The following PGAP2 variants were observed in gnomAD, a reference collection of about 807,000 sequenced individuals.
The protein encoded by PGAP2 is post-GPI attachment to proteins 2.
A neutral mutation model predicts 33.2 loss-of-function variants in PGAP2; 21 were observed. The ratio of observed to expected loss-of-function variants is 0.63; its 90% CI spans 0.45 to 0.91. The LOEUF is 0.91. Ranked by LOEUF, PGAP2 falls within the 40% of genes least tolerant of loss-of-function variation. PGAP2 has a pLI of 0.00. For synonymous variants in PGAP2, 161 were observed against 172.9 expected, an observed-to-expected ratio of 0.93 and a Z score of 0.54; for missense variants, 345 against 424.0, an observed-to-expected ratio of 0.81 and a Z score of 1.64.
chr11:3,799,588 G>T (rs922262562), intron 1 of PGAP2, among the ~76,000 whole-genome samples: 1 of 152,166 alleles, frequency 6.6e-6, no homozygotes, highest in Non-Finnish European at 1.5e-5. Flanking sequence ...ATTGAACTGG[G>T]CTTTTACCTA....
Position 3,826,031 on chromosome 11 carries a change from C to T in PGAP2, c.*573C>T, listed in dbSNP as rs1055639. 0.39 allele frequency: 59,748 copies of T among 153,142 alleles called. 12,176 individuals are homozygous for T. Among genetic ancestry groups the T allele is most frequent in the Middle Eastern group, 0.47 (137 of 292 alleles). The allele number at this position is 153,142 out of a possible 1,614,324, so 9.5% of individuals were successfully genotyped here. A position where few individuals can be genotyped will look rare whatever the true frequency, so the allele number is the denominator to read the frequency against. ...AGCCTCGGTGTGTCCATGTGTCTGG[C>T]GGGGGATGGGTGGACTGTATGATTT... On this transcript the variant is annotated 3_prime_UTR_variant, in exon 7 of 7. Coordinates refer to ENST00000278243, the MANE Select transcript of PGAP2 (RefSeq NM_014489.4).
At chr11:3,798,006 C>A (rs1006454438) in intron 1 of PGAP2, 43 of 1,535,298 alleles carry the variant, frequency 2.8e-5, no homozygotes, top group Non-Finnish European at 3.5e-5. Context: ...CCTTTCCTTG[C>A]CCCGGTCCGC....
At chr11:3,808,044 A>T, upstream of PGAP2, 1 of 1,407,890 alleles carries the variant, frequency 7.1e-7, no homozygotes, top group Non-Finnish European at 9.2e-7. Context: ...GCTCTAGGCC[A>T]GAGTTTCTGG....
intron 3 of PGAP2, among the ~76,000 whole-genome samples, chr11:3,819,077 C>T (rs2087852377): frequency 6.6e-6 from 1 of 152,212 alleles, no homozygotes; most frequent in Non-Finnish European, 1.5e-5. Context: ...GAGACAGGAT[C>T]TCACTCTGTC....
intron 3 of PGAP2, among the ~76,000 whole-genome samples, chr11:3,822,553 G>C (rs2089049828): frequency 6.6e-6 from 1 of 151,878 alleles, no homozygotes; most frequent in South Asian, 2.1e-4. Flanking sequence ...AGGATCACCT[G>C]AGCCCAGGAG....
rs1466915285 is a variant in PGAP2 at position 3,823,940 on chromosome 11, T to C, written c.406T>C (p.Tyr136His). Residue 136 changes from tyrosine (Y) to histidine (H), a missense_variant, in exon 4 of 7, where the codon TAC becomes CAC. Tyr to His is a moderately conservative substitution (Grantham distance 83, BLOSUM62 2). Coordinates refer to ENST00000278243, the MANE Select transcript of PGAP2 (RefSeq NM_014489.4). ...SAIGGEVPQR[Y>H]VWRFCIGLHS... The stretch of plus-strand genomic sequence containing the variant: ...CATCGGCGGGGAGGTGCCCCAGCGC[T>C]ACGTGTGGCGTTTCTGCATCGGCCT... The C allele has an allele frequency of 6.2e-7, 1 of 1,605,662 alleles. No homozygotes were observed. The highest frequency in any genetic ancestry group is 1.3e-5 in the African/African-American group (1 of 74,874).
chr11:3,825,181 T>G, intron 6 of PGAP2, 53 bp downstream of exon 6: 1 of 1,583,870 alleles, frequency 6.3e-7, no homozygotes, highest in Non-Finnish European at 8.7e-7. Flanking sequence ...GGGGCAGCAA[T>G]GATGTTTTTG....
upstream of PGAP2, among the ~76,000 whole-genome samples, chr11:3,805,623 C>G (rs920273730): frequency 6.7e-6 from 1 of 149,074 alleles, no homozygotes. Context: ...AATCCCAGCA[C>G]TTTGGGAGGC....
chr11:3,823,582 C>T (rs1243106000), intron 3 of PGAP2: 12 of 1,535,600 alleles, frequency 7.8e-6, no homozygotes, highest in African/African-American at 1.4e-5. Flanking sequence ...TGTAGAGCAT[C>T]TGAACCCATC....
exon 1 of PGAP2, chr11:3,797,950 G>A: frequency 1.3e-6 from 2 of 1,548,372 alleles, no homozygotes; most frequent in South Asian, 2.4e-5. Context: ...AGGGAGCTCG[G>A]GCCAATCAGA....
chr11:3,823,237 T>C (rs772788827), intron 3 of PGAP2, among the ~76,000 whole-genome samples: 9 of 151,770 alleles, frequency 5.9e-5, no homozygotes, highest in Non-Finnish European at 1.2e-4. Context: ...AGTTTTGCCA[T>C]GTTGGCCAGG....
chr11:3,805,523 A>T (rs1009052724), upstream of PGAP2, among the ~76,000 whole-genome samples: 2 of 149,980 alleles, frequency 1.3e-5, no homozygotes, highest in African/African-American at 4.9e-5. Context: ...TGGCCTCCCA[A>T]AGTGCTGGGA....
chr11:3,814,837 TC>T (rs769408440), intron 2 of PGAP2, among the ~76,000 whole-genome samples: 2 of 150,802 alleles, frequency 1.3e-5, no homozygotes, highest in East Asian at 1.9e-4. Context: ...TTTCTTTTTT[TC>T]CTTCTTTCTT....
chr11:3,814,599 GAT>G (rs2086342771), intron 2 of PGAP2, among the ~76,000 whole-genome samples: 1 of 151,188 alleles, frequency 6.6e-6, no homozygotes, highest in African/African-American at 2.4e-5. Flanking sequence ...TTTTAACAGA[GAT>G]AGTTTCTCAC....
At position 3,824,310 on chromosome 11, in the gene PGAP2, C is replaced by G; in HGVS notation, c.642C>G (p.Ser214=). 1 of 1,614,244 alleles carries G rather than the reference C, an allele frequency of 6.2e-7. No homozygotes were observed. Among genetic ancestry groups the G allele is most frequent in the Non-Finnish European group, 8.5e-7 (1 of 1,180,052 alleles). The change falls in exon 5 of 7, where the codon TCC becomes TCG. Residue 214 remains serine, a synonymous_variant. Transcript: ENST00000278243. ...ENAFIVFIAS[S]LGHMLLTCIL... Reference sequence around the variant, plus strand: ...CTTTCATTGTGTTCATTGCCTCATCCCTCGGGCACATGCTCCTCACCTGCA... The same window carrying G: ...CTTTCATTGTGTTCATTGCCTCATCGCTCGGGCACATGCTCCTCACCTGCA...
In PGAP2 at chr11:3,817,619, G is replaced by A. The variant is rs750841209; in HGVS notation, c.348+84G>A. 6.1e-6 allele frequency: 7 copies of A among 1,155,612 alleles called. No homozygotes were observed. The Admixed American group carries it at 1.3e-4, about 21-fold the overall frequency. 71.6% of individuals were successfully genotyped at this position (1,155,612 alleles called of 1,614,324 possible). Reference sequence around the variant, plus strand: ...TAGAATTAGATAGTGGAGAGGAAGTGGAGGATCAGAGAGAGGGAAAGGGAC... The same window carrying A: ...TAGAATTAGATAGTGGAGAGGAAGTAGAGGATCAGAGAGAGGGAAAGGGAC... On this transcript the variant is annotated intron_variant, in intron 3 of 6. Transcript: ENST00000278243.
Position 3,797,925 on chromosome 11 carries a change from CCG to C in PGAP2, c.85_86del (p.Arg29ThrfsTer19). 6.5e-7 allele frequency: 1 copy of C among 1,548,112 alleles called. No individual in the cohort carries two copies. The highest frequency in any genetic ancestry group is 8.7e-7 in the Non-Finnish European group (1 of 1,145,358). The stretch of plus-strand genomic sequence containing the variant: ...AGACTCCGCCCCCTTCCTTGGAGCG[CCG>C]CGACTCGGGCTGAGGGAGCTCGGGC... On this transcript the variant is annotated frameshift_variant, in exon 1 of 7. Transcript: ENST00000300730. LOFTEE classifies it high-confidence loss of function.
At chr11:3,800,406 A>T (rs2083269465) in intron 1 of PGAP2, among the ~76,000 whole-genome samples, 1 of 152,234 alleles carries the variant, frequency 6.6e-6, no homozygotes, top group African/African-American at 2.4e-5. Flanking sequence ...GTGGGGGATT[A>T]GTAGAGGTGT....
chr11:3,823,810 CAGAT>C, intron 3 of PGAP2, 69 bp from the exon 4 acceptor site: 1 of 1,597,366 alleles, frequency 6.3e-7, no homozygotes, highest in Non-Finnish European at 8.5e-7. Context: ...GTGATTTTGT[CAGAT>C]GGAGAGAAGG....
Sources: allele counts gnomAD v4.1 joint callset (sites outside exome capture counted in the v4.1 genomes callset), GRCh38; gene constraint gnomAD v4.1.1; transcripts MANE v1.5; gene names NCBI Gene and HGNC (gene_info 2026-07-23, HGNC 2026-07-21).